Variants in GPHN observed in about 807,000 individuals in gnomAD.
GPHN encodes gephyrin.
A neutral mutation model predicts 95.5 loss-of-function variants in GPHN; 17 were observed. The ratio of observed to expected loss-of-function variants is 0.18; its 90% confidence interval spans 0.12 to 0.27. The LOEUF (loss-of-function observed/expected upper bound fraction) is 0.27. Among genes scored for constraint, GPHN ranks in the 10% least tolerant of loss-of-function variants. GPHN has a pLI of 1.00. For synonymous variants in GPHN, 320 were observed against 322.5 expected (o/e 0.99, Z 0.08); for missense variants, 660 against 978.1 (o/e 0.67, Z 4.34).
At chr14:67,437,106 CAT>C in the GPHN span, among the ~76,000 whole-genome samples, 1 of 152,230 alleles carries the variant, frequency 6.6e-6, no homozygotes, top group East Asian at 1.9e-4. Context: ...AGATGGCTGG[CAT>C]CCTGTTGTGA....
chr14:67,291,582 C>G, the GPHN span, among the ~76,000 whole-genome samples: 3 of 152,184 alleles, frequency 2.0e-5, no homozygotes, highest in East Asian at 3.8e-4. Flanking sequence ...TGCGCCCAGC[C>G]TACCAGTGCT....
intron 10 of GPHN, among the ~76,000 whole-genome samples, chr14:67,029,874 T>A (rs2074107558): frequency 6.6e-6 from 1 of 152,132 alleles, no homozygotes; most frequent in Non-Finnish European, 1.5e-5. Flanking sequence ...CAAGCTTGGG[T>A]ACCTTTATAA....
chr14:66,850,957 TATA>T (rs1404582887), intron 4 of GPHN, among the ~76,000 whole-genome samples: 1 of 152,092 alleles, frequency 6.6e-6, no homozygotes, highest in African/African-American at 2.4e-5. Flanking sequence ...GTTATGTTAA[TATA>T]ATCACATTTT....
At chr14:67,569,689 A>C in the GPHN span, 1 of 569,284 alleles carries the variant, frequency 1.8e-6, no homozygotes. Context: ...GGAGGAAAAA[A>C]TGGTTAAAGG....
At chr14:67,483,856 G>A in the GPHN span, among the ~76,000 whole-genome samples, 2 of 152,224 alleles carry the variant, frequency 1.3e-5, no homozygotes. Context: ...GGAGCGGTCC[G>A]AACACAGAGG....
At chr14:67,321,102 A>G in the GPHN span, 1 of 1,614,186 alleles carries the variant, frequency 6.2e-7, no homozygotes, top group Non-Finnish European at 8.5e-7. Flanking sequence ...GGTAGAGATT[A>G]CCACTTTGTT....
At chr14:67,097,008 G>A (rs1047972292) in intron 12 of GPHN, among the ~76,000 whole-genome samples, 3 of 152,092 alleles carry the variant, frequency 2.0e-5, no homozygotes, top group Non-Finnish European at 2.9e-5. Context: ...TTGGTCATTC[G>A]TGCATGAATC....
intron 2 of GPHN, among the ~76,000 whole-genome samples, chr14:66,730,214 C>T (rs1035981700): frequency 2.6e-5 from 4 of 152,148 alleles, no homozygotes; most frequent in Admixed American, 6.5e-5. Flanking sequence ...TGTGCTTAAA[C>T]GTGGTTTCCG....
chr14:66,583,079 A>G (rs2061263131), intron 1 of GPHN, among the ~76,000 whole-genome samples: 1 of 151,616 alleles, frequency 6.6e-6, no homozygotes, highest in East Asian at 1.9e-4. Flanking sequence ...TTGCCATTCT[A>G]ACTGGTGTGA....
chr14:66,760,967 GA>G, intron 2 of GPHN: 3 of 646,742 alleles, frequency 4.6e-6, no homozygotes, highest in Non-Finnish European at 5.8e-6. Context: ...AGTTGGAAGA[GA>G]AAATGGTATA....
At chr14:66,598,393 AAAAAAAAGT>A (rs2062073415) in intron 1 of GPHN, among the ~76,000 whole-genome samples, 1 of 79,594 alleles carries the variant, frequency 1.3e-5, no homozygotes, top group Admixed American at 1.7e-4. Context: ...ATAATCAGTT[AAAAAAAAGT>A]ACTGAGACTC....
the GPHN span, among the ~76,000 whole-genome samples, chr14:67,352,364 G>C: frequency 6.6e-6 from 1 of 151,262 alleles, no homozygotes; most frequent in Non-Finnish European, 1.5e-5. Context: ...ACAGCTACTC[G>C]AGAGGCTGAG....
chr14:66,740,407 T>C (rs1012324954), intron 2 of GPHN, among the ~76,000 whole-genome samples: 4 of 152,110 alleles, frequency 2.6e-5, no homozygotes, highest in African/African-American at 9.6e-5. Flanking sequence ...GTTATTTATT[T>C]AACGATACAT....
At chr14:66,993,531 C>T (rs2071574242) in intron 9 of GPHN, among the ~76,000 whole-genome samples, 2 of 152,064 alleles carry the variant, frequency 1.3e-5, no homozygotes, top group Middle Eastern at 3.4e-3. Context: ...TGCTAAATGC[C>T]CTGTTTGGCC....
the GPHN span, chr14:67,320,385 T>A: frequency 6.2e-7 from 1 of 1,604,686 alleles, no homozygotes; most frequent in Non-Finnish European, 8.5e-7. Context: ...CCGCTTTGCA[T>A]CTGCAGTTCC....
intron 9 of GPHN, among the ~76,000 whole-genome samples, chr14:67,005,159 A>G (rs931283536): frequency 6.6e-6 from 1 of 151,526 alleles, no homozygotes; most frequent in African/African-American, 2.4e-5. Flanking sequence ...CATTTTAAAC[A>G]TAGTGATAGC....
chr14:67,057,398 A>G (rs1216547385), intron 10 of GPHN, among the ~76,000 whole-genome samples: 1 of 121,420 alleles, frequency 8.2e-6, no homozygotes, highest in African/African-American at 4.6e-5. Context: ...ACAAGAACAC[A>G]TGGGCACATG....
At chr14:67,662,187 A>AC in the GPHN span, among the ~76,000 whole-genome samples, 1 of 152,100 alleles carries the variant, frequency 6.6e-6, no homozygotes, top group African/African-American at 2.4e-5. Flanking sequence ...AACAAAAAAA[A>AC]AAACAACAGA....
At chr14:67,516,032 G>T in the GPHN span, among the ~76,000 whole-genome samples, 26 of 152,310 alleles carry the variant, frequency 1.7e-4, no homozygotes, top group African/African-American at 5.8e-4. Context: ...TTCTTTTATT[G>T]GGAGGTGGAA....
Sources: allele counts gnomAD v4.1 joint callset (sites outside exome capture counted in the v4.1 genomes callset), GRCh38; gene constraint gnomAD v4.1.1; transcripts MANE v1.5; gene names NCBI Gene and HGNC (gene_info 2026-07-23, HGNC 2026-07-21).